HSF4: variants seen among roughly 807,000 people sequenced by gnomAD.
HSF4 encodes heat shock transcription factor 4.
A neutral mutation model predicts 52.0 loss-of-function variants in HSF4; 41 were observed. That is an observed-to-expected ratio of 0.79 (90% CI 0.61 to 1.02). HSF4 has a LOEUF of 1.02. Among genes scored for constraint, HSF4 ranks in the 50% least tolerant of loss-of-function variants. The pLI is 0.00. For missense variants in HSF4, 610 were observed against 651.1 expected, an observed-to-expected ratio of 0.94 and a Z score of 0.69; for synonymous variants, 285 against 273.0, an observed-to-expected ratio of 1.04 and a Z score of -0.43.
Position 67,166,544 on chromosome 16 carries a change from T to C in HSF4, c.562-14T>C, listed in dbSNP as rs1204869306. On this transcript the variant is annotated splice_polypyrimidine_tract_variant and intron_variant, in intron 5 of 12. Transcript: ENST00000521374. ...GTGTCCAAAGTATGAATTAAACCTT[T>C]GCTTTCTCTTCAGCTGATCCAGTGT... The C allele has an allele frequency of 1.9e-6, 3 of 1,613,760 alleles. No individual in the cohort carries two copies. In the African/African-American group the frequency reaches 4.0e-5, roughly 22 times the overall value.
chr16:67,168,474 AAAAAG>A (rs1461159762), intron 9 of HSF4, among the ~76,000 whole-genome samples: 1 of 152,162 alleles, frequency 6.6e-6, no homozygotes, highest in Non-Finnish European at 1.5e-5. Flanking sequence ...TGTCTCCAAA[AAAAAG>A]AAAAGAAAGA....
Position 67,169,794 on chromosome 16 carries a change from G to T in HSF4, c.*9G>T. 1.2e-6 allele frequency: 2 copies of T among 1,612,998 alleles called. No individual in the cohort carries two copies. Among genetic ancestry groups the T allele is most frequent in the Non-Finnish European group, 8.5e-7 (1 of 1,179,968 alleles). On this transcript the variant is annotated 3_prime_UTR_variant, in exon 13 of 13. Transcript: ENST00000521374. The surrounding 1 kb of genome is among the most constrained non-coding windows in gnomAD (Gnocchi z 4.3). Reference sequence around the variant, plus strand: ...CCAGTCCCTCCCCCTAAGACCCCGCGCCTCTGAAGGGGCTTGGAACCAGTC... The same window carrying T: ...CCAGTCCCTCCCCCTAAGACCCCGCTCCTCTGAAGGGGCTTGGAACCAGTC...
Position 67,166,414 on chromosome 16 carries a change from C to G in HSF4, c.561+19C>G. The G allele has an allele frequency of 6.2e-7, 1 of 1,603,928 alleles. No homozygotes were observed. The highest frequency in any genetic ancestry group is 8.5e-7 in the Non-Finnish European group (1 of 1,174,708). ...TGGCAAGGTGTTCCTCTCCCCAAGC[C>G]TCGCTTCTCCCTCCCACTCCTCGAC... On this transcript the variant is annotated intron_variant, in intron 5 of 12. Coordinates refer to ENST00000521374, the MANE Select transcript of HSF4 (RefSeq NM_001374675.1).
Position 67,166,631 on chromosome 16 carries a change from G to C in HSF4, c.626+9G>C, listed in dbSNP as rs1484432398. ...GGAGGCAAGAGAAAGCTGTGAGTGA[G>C]AAAGCCAAGAAGGCCCACACCCACT... is the stretch of plus-strand genomic sequence containing the variant. On this transcript the variant is annotated intron_variant, in intron 6 of 12. Coordinates refer to ENST00000521374, the MANE Select transcript of HSF4 (RefSeq NM_001374675.1). 6 of 1,613,436 alleles carry C rather than the reference G, an allele frequency of 3.7e-6. No individual in the cohort carries two copies. Among genetic ancestry groups the C allele is most frequent in the Non-Finnish European group, 5.1e-6 (6 of 1,179,764 alleles).
chr16:67,169,444 C>G lies in HSF4; in HGVS notation c.1324+96C>G. Reference sequence around the variant, plus strand: ...GGCAATCTGCAATTTGCAGGGAAATCCTGAGTTCAGGCTGCACTGCAGAGC... The same window carrying G: ...GGCAATCTGCAATTTGCAGGGAAATGCTGAGTTCAGGCTGCACTGCAGAGC... On this transcript the variant is annotated intron_variant, in intron 12 of 12. Transcript: ENST00000521374. The surrounding 1 kb of genome is among the most constrained non-coding windows in gnomAD (Gnocchi z 4.3). The G allele has an allele frequency of 6.4e-7, 1 of 1,569,698 alleles. No individual in the cohort carries two copies. Among genetic ancestry groups the G allele is most frequent in the Non-Finnish European group, 8.6e-7 (1 of 1,158,420 alleles).
At chr16:67,166,274 TG>T (rs1220846321) in intron 4 of HSF4, 45 bp from the exon 5 acceptor site, 8 of 1,565,826 alleles carry the variant, frequency 5.1e-6, no homozygotes, top group Non-Finnish European at 6.1e-6. Context: ...GGGTGGTGAC[TG>T]GGCGAACTCT....
Position 67,165,678 on chromosome 16 carries a change from C to A in HSF4, c.233-41C>A. On this transcript the variant is annotated intron_variant, in intron 2 of 12. Transcript: ENST00000521374. This position sits in a 1 kb window ranked among gnomAD's most constrained non-coding sequence, Gnocchi z 6.9. Reference sequence around the variant, plus strand: ...GGAGCGGGGATGGGGGACTCGGTGCCGGGGATGGGGCGACCCACGCCCCCA... The same window carrying A: ...GGAGCGGGGATGGGGGACTCGGTGCAGGGGATGGGGCGACCCACGCCCCCA... 1 of 1,611,986 alleles carries A rather than the reference C, an allele frequency of 6.2e-7. No homozygotes were observed. Among genetic ancestry groups the A allele is most frequent in the Non-Finnish European group, 8.5e-7 (1 of 1,179,778 alleles).
rs950872101 is a variant in HSF4, at chr16:67,166,048, G to A, written c.463G>A (p.Ala155Thr). ...GCGGGGAGTGCAGGAGAGCACCGAGGCGCGGCTGCGGGAGCTCAGGCAGTG... is the reference window on the plus strand; with the variant it reads ...GCGGGGAGTGCAGGAGAGCACCGAGACGCGGCTGCGGGAGCTCAGGCAGTG... Reference protein sequence around the residue: ...ALRGVQESTEARLRELRQQNE... With the variant: ...ALRGVQESTETRLRELRQQNE... The change falls in exon 4 of 13, where the codon GCG becomes ACG. Residue 155 changes from alanine (A) to threonine (T), a missense_variant. Physicochemically the swap from Ala to Thr is moderately conservative, Grantham distance 58. Coordinates refer to ENST00000521374, the MANE Select transcript of HSF4 (RefSeq NM_001374675.1). The A allele has an allele frequency of 4.6e-6, 7 of 1,533,446 alleles. No homozygotes were observed. The highest frequency in any genetic ancestry group is 6.1e-6 in the Non-Finnish European group (7 of 1,146,666). 95.0% of individuals were successfully genotyped at this position (1,533,446 alleles called of 1,614,324 possible). A position where few individuals can be genotyped will look rare whatever the true frequency, so the allele number is the denominator to read the frequency against.
intron 9 of HSF4, among the ~76,000 whole-genome samples, chr16:67,168,275 C>T (rs532578795): frequency 3.6e-4 from 55 of 152,176 alleles, no homozygotes; most frequent in African/African-American, 1.0e-3. Context: ...AGTTCAACAC[C>T]AGCCTGGCCA....
intron 6 of HSF4, 41 bp from the exon 7 acceptor site, chr16:67,167,079 A>C (rs559321331): frequency 6.2e-7 from 1 of 1,613,464 alleles, no homozygotes; most frequent in Non-Finnish European, 8.5e-7. Flanking sequence ...ATGGGGGCTG[A>C]CCCTGCCCCA....
Position 67,167,489 on chromosome 16 carries a change from A to G in HSF4, c.744A>G (p.Thr248=). The part of the protein sequence containing the change: ...PYFIQSPLPE[T]NLGLSPHRAR... ...TCTACTTACAGCCTCTCCCAGAGAC[A>G]AATTTGGGCCTTAGCCCTCACAGGG... The change falls in exon 8 of 13, where the codon ACA becomes ACG. Residue 248 remains threonine (T), a synonymous_variant. Transcript: ENST00000521374. 1 of 1,613,834 alleles carries G rather than the reference A, an allele frequency of 6.2e-7. No individual in the cohort carries two copies. The highest frequency in any genetic ancestry group is 1.1e-5 in the South Asian group (1 of 91,092).
chr16:67,167,282 C>A, intron 7 of HSF4, 60 bp downstream of exon 7: 1 of 1,612,290 alleles, frequency 6.2e-7, no homozygotes, highest in East Asian at 2.2e-5. Flanking sequence ...GAGCCTGTTC[C>A]TTCTCCCCAT....
chr16:67,164,195 C>G (rs2031069090), upstream of HSF4: 1 of 497,918 alleles, frequency 2.0e-6, no homozygotes, highest in South Asian at 1.6e-5. Flanking sequence ...CTATTAAAGG[C>G]GGGGTCGGAT....
chr16:67,165,007 C>T lies in HSF4; in HGVS notation c.123+73C>T. On this transcript the variant is annotated intron_variant, in intron 1 of 12. Coordinates refer to ENST00000521374, the MANE Select transcript of HSF4 (RefSeq NM_001374675.1). This position sits in a 1 kb window ranked among gnomAD's most constrained non-coding sequence, Gnocchi z 6.9. ...CACGTCAGTGAACACCCATGCCCGC[C>T]CAACCCCCTCCTGAGACTGGGCCGT... 6.9e-7 allele frequency: 1 copy of T among 1,440,804 alleles called. No homozygotes were observed. Among genetic ancestry groups the T allele is most frequent in the Non-Finnish European group, 9.3e-7 (1 of 1,077,334 alleles). 89.3% of individuals were successfully genotyped at this position (1,440,804 alleles called of 1,614,324 possible).
rs1597246153 is a variant in HSF4, at chr16:67,169,446, T to C, written c.1324+98T>C. The C allele has an allele frequency of 6.4e-7, 1 of 1,569,444 alleles. No individual in the cohort carries two copies. Among genetic ancestry groups the C allele is most frequent in the Non-Finnish European group, 8.6e-7 (1 of 1,158,424 alleles). On this transcript the variant is annotated intron_variant, in intron 12 of 12. Transcript: ENST00000521374. This position sits in a 1 kb window ranked among gnomAD's most constrained non-coding sequence, Gnocchi z 4.3. The stretch of plus-strand genomic sequence containing the variant: ...CAATCTGCAATTTGCAGGGAAATCC[T>C]GAGTTCAGGCTGCACTGCAGAGCGT...
rs1429730040 is a variant in HSF4 at position 67,169,642 on chromosome 16, A to G, written c.1336A>G (p.Thr446Ala). 6.2e-7 allele frequency: 1 copy of G among 1,608,820 alleles called. No homozygotes were observed. Among genetic ancestry groups the G allele is most frequent in the East Asian group, 2.2e-5 (1 of 44,874 alleles). ...CCCACTTCTCCTAGGGAAGGACCCC[A>G]CGCTCGGGGCCCCACTCCTGCTGGA... ...LNSPSPGKDP[T>A]LGAPLLLDVQ... is the part of the protein sequence containing the mutation. Residue 446 changes from threonine to alanine, a missense_variant, in exon 13 of 13, where the codon ACG becomes GCG. Coordinates refer to ENST00000521374, the MANE Select transcript of HSF4 (RefSeq NM_001374675.1). The surrounding 1 kb of genome is among the most constrained non-coding windows in gnomAD (Gnocchi z 4.3).
rs1414986238 is a variant in HSF4 at position 67,166,575 on chromosome 16, T to G, written c.579T>G (p.Phe193Leu). The change falls in exon 6 of 13, where the codon TTT (phenylalanine) becomes TTG (leucine). Residue 193 changes from phenylalanine to leucine, a missense_variant. Phe to Leu is a conservative substitution (Grantham distance 22). Coordinates refer to ENST00000521374, the MANE Select transcript of HSF4 (RefSeq NM_001374675.1). Reference protein sequence around the residue: ...RVIGKLIQCLFGPLQAGPSNA... With the variant: ...RVIGKLIQCLLGPLQAGPSNA... ...CTCTTCAGCTGATCCAGTGTCTCTT[T>G]GGGCCACTTCAGGCGGGGCCGAGCA... The G allele has an allele frequency of 6.2e-7, 1 of 1,613,806 alleles. No individual in the cohort carries two copies. Among genetic ancestry groups the G allele is most frequent in the Non-Finnish European group, 8.5e-7 (1 of 1,179,988 alleles).
rs760625747 is a variant in HSF4, at chr16:67,167,363, A to G, written c.730-112A>G. ...GACCCAGGCCCTCCAGCATGGACTG[A>G]GCCTCCTCCCTCAAACCTTCTCCCT... On this transcript the variant is annotated intron_variant, in intron 7 of 12. Transcript: ENST00000521374. 33 of 1,610,746 alleles carry G rather than the reference A, an allele frequency of 2.0e-5. 1 individual carries two copies. In the South Asian group the frequency reaches 3.5e-4, roughly 17 times the overall value.
chr16:67,167,564 G>T lies in HSF4; in HGVS notation c.819G>T (p.Glu273Asp), dbSNP rs907714277. 11 of 1,613,624 alleles carry T rather than the reference G, an allele frequency of 6.8e-6. No individual in the cohort carries two copies. The highest frequency in any genetic ancestry group is 9.3e-6 in the Non-Finnish European group (11 of 1,180,008). The change falls in exon 8 of 13, where the codon GAG becomes GAT. Residue 273 changes from glutamate (E) to aspartate (D), a missense_variant. Coordinates refer to ENST00000521374, the MANE Select transcript of HSF4 (RefSeq NM_001374675.1). ...TCCCAGAAGACTCTCCATCCCCTGA[G>T]GGGACCAGGCTTTCTCCCTCCAGTG... is the stretch of plus-strand genomic sequence containing the variant. Reference protein sequence around the residue: ...SDIPEDSPSPEGTRLSPSSDG... With the variant: ...SDIPEDSPSPDGTRLSPSSDG...
Sources: allele counts gnomAD v4.1 joint callset (sites outside exome capture counted in the v4.1 genomes callset), GRCh38; gene constraint gnomAD v4.1.1; non-coding constraint Gnocchi (gnomAD v3.1); transcripts MANE v1.5; gene names NCBI Gene and HGNC (gene_info 2026-07-23, HGNC 2026-07-21).